Variants in TBC1D32 observed in about 807,000 individuals in gnomAD.
TBC1D32 encodes TBC1 domain family member 32, also known as protein broad-minded.
A neutral mutation model predicts 170.3 loss-of-function variants in TBC1D32; 151 were observed. The ratio of observed to expected loss-of-function variants is 0.89; its 90% CI spans 0.78 to 1.01. The LOEUF (loss-of-function observed/expected upper bound fraction) is 1.01. Ranked by LOEUF, TBC1D32 falls within the 50% of genes least tolerant of loss-of-function variation. TBC1D32 has a pLI of 0.00. For missense variants in TBC1D32, 1,464 were observed against 1,457.1 expected (o/e 1.00, Z -0.08); for synonymous variants, 498 against 488.0 (o/e 1.02, Z -0.27).
chr6:121,321,045 A>G (rs1411163147), intron 2 of TBC1D32, among the ~76,000 whole-genome samples: 1 of 152,218 alleles, frequency 6.6e-6, no homozygotes, highest in African/African-American at 2.4e-5. Context: ...TTCCAGTTAA[A>G]TAATTATCTT....
chr6:121,201,804 C>T (rs1163934274), intron 22 of TBC1D32, among the ~76,000 whole-genome samples: 4 of 150,606 alleles, frequency 2.7e-5, no homozygotes, highest in African/African-American at 9.9e-5. Context: ...TTAATAATGA[C>T]CGTTTTAGAA....
chr6:121,268,225 C>T (rs142789472), intron 15 of TBC1D32, among the ~76,000 whole-genome samples: 3 of 152,220 alleles, frequency 2.0e-5, no homozygotes, highest in Non-Finnish European at 2.9e-5. Context: ...TGCAGCTCCT[C>T]GCCAGCAACA....
chr6:121,284,747 T>C (rs1391942796), intron 12 of TBC1D32, among the ~76,000 whole-genome samples: 2 of 152,174 alleles, frequency 1.3e-5, no homozygotes, highest in South Asian at 2.1e-4. Flanking sequence ...AAAATGTAGA[T>C]GTTAAAAGTC....
intron 3 of TBC1D32, among the ~76,000 whole-genome samples, chr6:121,312,980 A>G (rs904039715): frequency 3.3e-5 from 5 of 152,134 alleles, no homozygotes; most frequent in Non-Finnish European, 5.9e-5. Flanking sequence ...TCCTTCCTGC[A>G]CAAAATCCAA....
At chr6:121,250,571 T>C (rs1056072518) in intron 17 of TBC1D32, among the ~76,000 whole-genome samples, 1 of 152,108 alleles carries the variant, frequency 6.6e-6, no homozygotes, top group Admixed American at 6.6e-5. Context: ...AAACTAGGTA[T>C]TGATGGAACA....
At chr6:121,134,970 CTGTT>C (rs1781883221) in intron 24 of TBC1D32, among the ~76,000 whole-genome samples, 1 of 152,082 alleles carries the variant, frequency 6.6e-6, no homozygotes, top group East Asian at 1.9e-4. Flanking sequence ...GCCCCCCTGA[CTGTT>C]CTTGCTAGAA....
At chr6:121,231,937 T>C (rs1255625401) in intron 20 of TBC1D32, among the ~76,000 whole-genome samples, 1 of 152,168 alleles carries the variant, frequency 6.6e-6, no homozygotes, top group South Asian at 2.1e-4. Flanking sequence ...GTCCCATCTA[T>C]TTATCTTTGT....
chr6:121,286,155 TGA>T (rs1803786866), intron 12 of TBC1D32, among the ~76,000 whole-genome samples: 1 of 152,052 alleles, frequency 6.6e-6, no homozygotes, highest in Non-Finnish European at 1.5e-5. Flanking sequence ...TTTGACGAGT[TGA>T]GAGAGGAAGC....
intron 17 of TBC1D32, among the ~76,000 whole-genome samples, chr6:121,243,981 T>C (rs1468342037): frequency 1.3e-5 from 2 of 152,016 alleles, no homozygotes; most frequent in Non-Finnish European, 2.9e-5. Context: ...TTCCACTTAC[T>C]TTCCTCTACT....
chr6:121,138,602 C>A (rs1282854842), intron 24 of TBC1D32, among the ~76,000 whole-genome samples: 2 of 152,014 alleles, frequency 1.3e-5, no homozygotes, highest in East Asian at 3.9e-4. Flanking sequence ...AAATAAAAGT[C>A]AATTACCTTT....
intron 10 of TBC1D32, among the ~76,000 whole-genome samples, chr6:121,298,665 C>T (rs1011058184): frequency 5.3e-5 from 8 of 152,032 alleles, no homozygotes; most frequent in African/African-American, 1.9e-4. Flanking sequence ...ATATCCCTCT[C>T]TTCTTCTGCT....
intron 24 of TBC1D32, among the ~76,000 whole-genome samples, chr6:121,136,224 T>C (rs2128221542): frequency 6.6e-6 from 1 of 152,254 alleles, no homozygotes; most frequent in Non-Finnish European, 1.5e-5. Context: ...AATACTGCCA[T>C]CTCAGTAAAA....
chr6:121,238,734 C>A (rs182537492), intron 20 of TBC1D32, among the ~76,000 whole-genome samples: 178 of 151,826 alleles, frequency 1.2e-3, no homozygotes, highest in African/African-American at 4.2e-3. Context: ...TTTTTATATT[C>A]ATTGGTTGGT....
rs778620332 is a variant in TBC1D32 at position 121,310,847 on chromosome 6, T to C, written c.496A>G (p.Ser166Gly). 9.6e-6 allele frequency: 15 copies of C among 1,554,684 alleles called. No homozygotes were observed. The East Asian group carries it at 3.4e-4, about 35-fold the overall frequency. Residue 166 changes from serine (S) to glycine (G), a missense_variant and splice_region_variant, in exon 4 of 32, where the codon AGT becomes GGT. Ser to Gly is a moderately conservative substitution (Grantham distance 56, BLOSUM62 0). Coordinates refer to ENST00000398212, the MANE Select transcript of TBC1D32 (RefSeq NM_152730.6). ...CSDSDSSLNQ[S>G]YKFCQGKLQL... ...AATTTTCCTTGACAAAATTTGTAAC[T>C]CTGTAACACAATTGTCAGGACATTC...
At chr6:121,126,326 T>C (rs1780844364) in intron 26 of TBC1D32, 52 bp downstream of exon 26, 2 of 1,327,282 alleles carry the variant, frequency 1.5e-6, no homozygotes, top group African/African-American at 1.5e-5. Context: ...CTCCATTAAT[T>C]ATCTAGTTAC....
intron 15 of TBC1D32, among the ~76,000 whole-genome samples, chr6:121,268,826 C>G (rs4332015): frequency 0.99 from 150,511 of 152,226 alleles, 74,444 homozygotes; most frequent in East Asian, 1. Context: ...CACCAAAGTT[C>G]AAATGAAGGA....
intron 12 of TBC1D32, among the ~76,000 whole-genome samples, chr6:121,289,188 T>A (rs1393764634): frequency 6.6e-6 from 1 of 152,114 alleles, no homozygotes; most frequent in African/African-American, 2.4e-5. Flanking sequence ...TAAAGGGTAT[T>A]CAATTAGGAA....
rs1379459749 is a variant in TBC1D32 at position 121,208,733 on chromosome 6, A to AAAAAAAAAAC, written c.2482-3571_2482-3570insGTTTTTTTTT. The stretch of plus-strand genomic sequence containing the variant: ...CAACAAGACACGAAACACCTGGAAA[A>AAAAAAAAAAC]AAAAAAAAAAAAAACAGAAATTAAA... On this transcript the variant is annotated intron_variant, in intron 21 of 31. Coordinates refer to ENST00000398212, the MANE Select transcript of TBC1D32 (RefSeq NM_152730.6). Among the ~76,000 whole-genome samples, 9 of 146,542 alleles carry AAAAAAAAAAC rather than the reference A, an allele frequency of 6.1e-5. No homozygotes were observed. In the Admixed American group the frequency reaches 6.2e-4, roughly 10 times the overall value.
At chr6:121,169,967 T>C (rs1342282287) in intron 22 of TBC1D32, among the ~76,000 whole-genome samples, 1 of 152,048 alleles carries the variant, frequency 6.6e-6, no homozygotes, top group Non-Finnish European at 1.5e-5. Context: ...ATTAAGAGGA[T>C]GGAATAAAGA....
Sources: allele counts gnomAD v4.1 joint callset (sites outside exome capture counted in the v4.1 genomes callset), GRCh38; gene constraint gnomAD v4.1.1; transcripts MANE v1.5; gene names NCBI Gene and HGNC (gene_info 2026-07-23, HGNC 2026-07-21).